Variants in SETD5 observed in about 807,000 individuals in gnomAD.
The protein encoded by SETD5 is SET domain containing 5.
In SETD5, 44 loss-of-function variants were observed where a neutral mutation model predicts 153.3. The observed-to-expected ratio is 0.29, with a 90% CI of 0.23 to 0.37. SETD5 has a LOEUF of 0.37. Ranked by LOEUF, SETD5 falls within the 10% of genes least tolerant of loss-of-function variation. The pLI is 1.00. For missense variants in SETD5, 1,544 were observed against 1,768.0 expected (o/e 0.87, Z 2.27); for synonymous variants, 716 against 645.2 (o/e 1.11, Z -1.66).
chr3:9,459,941 C>T (rs548304220), intron 17 of SETD5, among the ~76,000 whole-genome samples: 10 of 151,962 alleles, frequency 6.6e-5, no homozygotes, highest in Admixed American at 3.9e-4. Flanking sequence ...TGTCATGCAT[C>T]ATGAAAACTA....
At chr3:9,432,835 GA>G (rs2040126516) in intron 3 of SETD5, among the ~76,000 whole-genome samples, 1 of 152,168 alleles carries the variant, frequency 6.6e-6, no homozygotes, top group Non-Finnish European at 1.5e-5. Flanking sequence ...GGTACAAAAA[GA>G]TACTAAACCA....
At chr3:9,435,009 C>T in intron 6 of SETD5, 127 bp downstream of exon 6, 1 of 1,052,100 alleles carries the variant, frequency 9.5e-7, no homozygotes, top group Non-Finnish European at 1.3e-6. Context: ...CTTAGGGAGG[C>T]CAAAGCGGGC....
intron 1 of SETD5, among the ~76,000 whole-genome samples, chr3:9,399,844 A>AGT: frequency 7.6e-6 from 1 of 130,940 alleles, no homozygotes; most frequent in East Asian, 2.3e-4. Flanking sequence ...AAAAAAAAAA[A>AGT]GTGTGTGTAA....
At chr3:9,472,272 G>A (rs1211294210) in intron 19 of SETD5, among the ~76,000 whole-genome samples, 1 of 152,172 alleles carries the variant, frequency 6.6e-6, no homozygotes, top group Non-Finnish European at 1.5e-5. Context: ...AAGATAAAAA[G>A]CCAGATAAAC....
rs2045513393 is a variant in SETD5 at position 9,473,185 on chromosome 3, T to C, written c.3196-51T>C. The stretch of plus-strand genomic sequence containing the variant: ...TTCCCTGTTGCTGGTGATCCACTAA[T>C]GATATCCAGATAGAGTACCGTTTTT... On this transcript the variant is annotated intron_variant, in intron 19 of 22. Coordinates refer to ENST00000402198, the MANE Select transcript of SETD5 (RefSeq NM_001080517.3). The C allele has an allele frequency of 3.2e-6, 5 of 1,560,408 alleles. No individual in the cohort carries two copies. The African/African-American group carries it at 4.1e-5, about 13-fold the overall frequency.
chr3:9,470,818 A>T lies in SETD5; in HGVS notation c.3084A>T (p.Arg1028Ser). The change falls in exon 19 of 23, where the codon AGA (arginine) becomes AGT (serine). Residue 1028 changes from arginine to serine, a missense_variant. By Grantham distance (110) the Arg-to-Ser change is moderately radical. Coordinates refer to ENST00000402198, the MANE Select transcript of SETD5 (RefSeq NM_001080517.3). ...YCSPAEGFSS[R>S]YEHGLMKDLS... is the part of the protein sequence containing the mutation. ...CCCCTGCAGAAGGATTTTCCAGCAG[A>T]TATGAACATGGCTTAATGAAAGACC... The T allele has an allele frequency of 6.2e-7, 1 of 1,613,512 alleles. No individual in the cohort carries two copies. The highest frequency in any genetic ancestry group is 8.5e-7 in the Non-Finnish European group (1 of 1,179,646).
At chr3:9,446,497 T>C (rs987511833) in intron 13 of SETD5, among the ~76,000 whole-genome samples, 3 of 151,890 alleles carry the variant, frequency 2.0e-5, no homozygotes, top group African/African-American at 4.8e-5. Context: ...TGATGACTTT[T>C]TTTTTTTTCT....
intron 17 of SETD5, among the ~76,000 whole-genome samples, chr3:9,460,777 T>C (rs894711578): frequency 4.6e-5 from 7 of 152,180 alleles, no homozygotes; most frequent in Admixed American, 3.9e-4. Context: ...TGCTACCCCA[T>C]ATTTAAGTAT....
chr3:9,445,962 G>GTTTTTTTTTTTTTTTTTTTTTT lies in SETD5; in HGVS notation c.1524+224_1524+225insTTTTTTTTTTTTTTTTTTTTTT, dbSNP rs1432231015. 8.3e-4 allele frequency among the ~76,000 whole-genome samples: 100 copies of GTTTTTTTTTTTTTTTTTTTTTT among 120,232 alleles called. 7 individuals carry two copies. The highest frequency in any genetic ancestry group is 4.3e-3 in the Middle Eastern group (1 of 234). The allele number at this position is 120,232 out of a possible 152,430, so 78.9% of individuals were successfully genotyped here. A position where few individuals can be genotyped will look rare whatever the true frequency, so the allele number is the denominator to read the frequency against. On this transcript the variant is annotated intron_variant, in intron 13 of 22. Transcript: ENST00000402198. ...TATTATCTAGTGATGGTTTGAAGAGGTTGTTTTTTTTTTTTTTTTTTTTTT... is the reference window on the plus strand; with the variant it reads ...TATTATCTAGTGATGGTTTGAAGAGGTTTTTTTTTTTTTTTTTTTTTTTTGTTTTTTTTTTTTTTTTTTTTTT...
intron 17 of SETD5, among the ~76,000 whole-genome samples, chr3:9,455,168 CTTTTTTTT>C (rs903600741): frequency 8.1e-4 from 81 of 99,898 alleles, no homozygotes; most frequent in Admixed American, 1.7e-3. Flanking sequence ...TTCTTTTTTT[CTTTTTTTT>C]TTTTTTTTTT....
At chr3:9,443,154 A>G (rs1361420834) in intron 10 of SETD5, 154 bp from the exon 11 acceptor site, 3 of 607,220 alleles carry the variant, frequency 4.9e-6, no homozygotes, top group Non-Finnish European at 8.8e-6. Flanking sequence ...ATAGTTTCAG[A>G]TGAAATGAAG....
At chr3:9,428,617 A>G (rs548062849) in intron 2 of SETD5, among the ~76,000 whole-genome samples, 2 of 152,332 alleles carry the variant, frequency 1.3e-5, no homozygotes, top group South Asian at 4.1e-4. Flanking sequence ...ACAAAAGTAA[A>G]CATAACTTTT....
chr3:9,453,520 C>A (rs1349831819), intron 16 of SETD5, among the ~76,000 whole-genome samples: 1 of 152,110 alleles, frequency 6.6e-6, no homozygotes, highest in Non-Finnish European at 1.5e-5. Flanking sequence ...TTGATGGGAT[C>A]TCATTATATG....
At chr3:9,423,891 T>G (rs377086692) in intron 1 of SETD5, among the ~76,000 whole-genome samples, 3 of 152,232 alleles carry the variant, frequency 2.0e-5, no homozygotes, top group Admixed American at 6.5e-5. Flanking sequence ...AAAATTAATT[T>G]AAGCGCCATT....
intron 1 of SETD5, among the ~76,000 whole-genome samples, chr3:9,406,201 G>A (rs2035624009): frequency 6.6e-6 from 1 of 151,992 alleles, no homozygotes; most frequent in Non-Finnish European, 1.5e-5. Flanking sequence ...TAACATTTGG[G>A]GTAGAATCTA....
chr3:9,425,298 A>G (rs1390623168), intron 2 of SETD5, among the ~76,000 whole-genome samples: 1 of 151,978 alleles, frequency 6.6e-6, no homozygotes, highest in African/African-American at 2.4e-5. Context: ...TCCTGACCTC[A>G]GGTGATCCGC....
chr3:9,474,854 G>C (rs1198504086), intron 21 of SETD5: 2 of 616,552 alleles, frequency 3.2e-6, no homozygotes. Context: ...GATGAAGGAT[G>C]AAGAGAAAGA....
rs372234085 is a variant in SETD5 at position 9,420,469 on chromosome 3, G to T, written c.-176-3998G>T. On this transcript the variant is annotated intron_variant, in intron 1 of 22. Coordinates refer to ENST00000402198, the MANE Select transcript of SETD5 (RefSeq NM_001080517.3). ...GATTTCTTATAGACATCGGTTTATTGTGCCGAGCTCAGTAGCTCCTAGAGG... is the reference window on the plus strand; with the variant it reads ...GATTTCTTATAGACATCGGTTTATTTTGCCGAGCTCAGTAGCTCCTAGAGG... Among the ~76,000 whole-genome samples, 5 of 151,922 alleles carry T rather than the reference G, an allele frequency of 3.3e-5. No homozygotes were observed. The East Asian group carries it at 9.6e-4, about 29-fold the overall frequency.
In SETD5 at chr3:9,443,423, A is replaced by T; in HGVS notation, c.1187+6A>T. The T allele has an allele frequency of 7.5e-7, 1 of 1,331,496 alleles. No individual in the cohort carries two copies. Among genetic ancestry groups the T allele is most frequent in the South Asian group, 2.0e-5 (1 of 51,124 alleles). The allele number at this position is 1,331,496 out of a possible 1,614,324, so 82.5% of individuals were successfully genotyped here. A position where few individuals can be genotyped will look rare whatever the true frequency, so the allele number is the denominator to read the frequency against. On this transcript the variant is annotated splice_donor_region_variant and intron_variant, in intron 11 of 22. Transcript: ENST00000402198. Reference sequence around the variant, plus strand: ...GATTATGAGTATAGTAACTGGTAAGACCTCAGAAACCTTTCCTAACAGGAA... The same window carrying T: ...GATTATGAGTATAGTAACTGGTAAGTCCTCAGAAACCTTTCCTAACAGGAA...
Sources: gnomAD v4.1 joint callset for allele counts (sites outside exome capture counted in the v4.1 genomes callset) on GRCh38, gnomAD v4.1.1 for gene constraint, MANE v1.5 for transcripts, NCBI Gene and HGNC (gene_info 2026-07-23, HGNC 2026-07-21) for gene names.